DNAH12: variants seen among roughly 807,000 people sequenced by gnomAD.
DNAH12 encodes dynein axonemal heavy chain 12.
In DNAH12, 285 loss-of-function variants were observed where a neutral mutation model predicts 371.5. The ratio of observed to expected loss-of-function variants is 0.77; its 90% CI spans 0.70 to 0.85. DNAH12 has a LOEUF of 0.85. DNAH12 is among the 40% of genes least tolerant of loss of function. DNAH12 has a pLI of 0.00. For missense variants in DNAH12, 3,611 were observed against 3,689.4 expected (o/e 0.98, Z 0.55); for synonymous variants, 1,200 against 1,213.0 (o/e 0.99, Z 0.22).
intron 43 of DNAH12, among the ~76,000 whole-genome samples, chr3:57,401,933 GATTT>G (rs2063881771): frequency 6.6e-6 from 1 of 152,120 alleles, no homozygotes; most frequent in Non-Finnish European, 1.5e-5. Context: ...AGCACCGATC[GATTT>G]ATTAATATGC....
At chr3:57,479,883 A>T (rs2066674476) in intron 13 of DNAH12, among the ~76,000 whole-genome samples, 1 of 152,224 alleles carries the variant, frequency 6.6e-6, no homozygotes, top group African/African-American at 2.4e-5. Flanking sequence ...GAGAACAAAG[A>T]CACAACATAC....
At chr3:57,371,046 A>G (rs1366342475) in intron 55 of DNAH12, among the ~76,000 whole-genome samples, 7 of 152,328 alleles carry the variant, frequency 4.6e-5, no homozygotes, top group Admixed American at 2.0e-4. Flanking sequence ...CTGTGGGTCT[A>G]TATCTCATAC....
chr3:57,452,630 C>G (rs2065788425), intron 25 of DNAH12, among the ~76,000 whole-genome samples: 1 of 152,196 alleles, frequency 6.6e-6, no homozygotes, highest in Non-Finnish European at 1.5e-5. Context: ...ATCGGAGTGA[C>G]TCACAACTTT....
At chr3:57,295,688 G>A in intron 72 of DNAH12, 96 bp from the exon 73 acceptor site, 7 of 981,542 alleles carry the variant, frequency 7.1e-6, no homozygotes, top group Admixed American at 3.3e-5. Flanking sequence ...CTAAAAGAAA[G>A]GACTAGAGGC....
At chr3:57,323,339 A>G in intron 63 of DNAH12, 79 bp from the exon 64 acceptor site, 5 of 1,483,376 alleles carry the variant, frequency 3.4e-6, no homozygotes, top group Non-Finnish European at 3.6e-6. Context: ...GTGTTTTATC[A>G]TGAAAAATTC....
intron 59 of DNAH12, 30 bp downstream of exon 59, chr3:57,357,146 G>A (rs974075568): frequency 6.6e-6 from 1 of 152,032 alleles, no homozygotes; most frequent in African/African-American, 2.4e-5. Context: ...TCCAACCTCG[G>A]GAAGATGAAT....
chr3:57,408,299 A>C lies in DNAH12; in HGVS notation c.6257T>G (p.Ile2086Arg). 1.9e-6 allele frequency: 3 copies of C among 1,550,610 alleles called. No individual in the cohort carries two copies. The highest frequency in any genetic ancestry group is 2.6e-6 in the Non-Finnish European group (3 of 1,146,488). ...PPEYFVIGNQ[I>R]VNGTMEIYKQ... ...ACTGACCTCCATAGTCCCATTGACTATCTGGTTCCCAATTACAAAGTACTC... is the reference window on the plus strand; with the variant it reads ...ACTGACCTCCATAGTCCCATTGACTCTCTGGTTCCCAATTACAAAGTACTC... The change falls in exon 40 of 74, where the codon ATA becomes AGA. Residue 2086 changes from isoleucine (I) to arginine (R), a missense_variant. Around this residue, in one of 3 missense-constraint regions of DNAH12, gnomAD observed 2,266 missense variants for 2,236.9 expected, o/e 1.01. Coordinates refer to ENST00000495027, the MANE Select transcript of DNAH12 (RefSeq NM_001366028.2).
At chr3:57,455,927 T>C (rs945249822) in intron 22 of DNAH12, among the ~76,000 whole-genome samples, 3 of 152,198 alleles carry the variant, frequency 2.0e-5, no homozygotes, top group South Asian at 2.1e-4. Flanking sequence ...ATCCAAACTA[T>C]AAATTGAAAA....
At chr3:57,438,203 C>A (rs920863266) in intron 29 of DNAH12, among the ~76,000 whole-genome samples, 1 of 151,912 alleles carries the variant, frequency 6.6e-6, no homozygotes, top group Non-Finnish European at 1.5e-5. Flanking sequence ...CCCAGTTACT[C>A]GGGAGGCTGA....
chr3:57,297,856 A>G (rs2061265502), intron 70 of DNAH12, among the ~76,000 whole-genome samples: 1 of 152,218 alleles, frequency 6.6e-6, no homozygotes, highest in East Asian at 1.9e-4. Flanking sequence ...GCATCAGTGT[A>G]GCATCAGTGA....
intron 60 of DNAH12, among the ~76,000 whole-genome samples, chr3:57,350,783 T>C (rs1198095716): frequency 6.6e-6 from 1 of 151,958 alleles, no homozygotes; most frequent in Non-Finnish European, 1.5e-5. Context: ...TATAAAGAAC[T>C]CACACAAATC....
At chr3:57,484,941 A>G (rs866837252) in intron 12 of DNAH12, among the ~76,000 whole-genome samples, 12 of 152,198 alleles carry the variant, frequency 7.9e-5, no homozygotes, top group African/African-American at 2.9e-4. Flanking sequence ...AATGCTCAAC[A>G]TAACTAATCA....
intron 42 of DNAH12, 80 bp downstream of exon 42, chr3:57,404,889 C>T (rs2063977988): frequency 2.4e-6 from 3 of 1,269,976 alleles, no homozygotes; most frequent in Non-Finnish European, 3.1e-6. Flanking sequence ...TTTTTCTTTA[C>T]ACCTTTTGGT....
chr3:57,477,234 C>T (rs776543098), intron 13 of DNAH12, among the ~76,000 whole-genome samples: 2 of 152,146 alleles, frequency 1.3e-5, no homozygotes, highest in African/African-American at 4.8e-5. Context: ...CCTAATAGTG[C>T]GCTTTTCCAA....
At chr3:57,542,108 C>T (rs1318672107) in intron 2 of DNAH12, among the ~76,000 whole-genome samples, 1 of 137,358 alleles carries the variant, frequency 7.3e-6, no homozygotes, top group Non-Finnish European at 1.5e-5. Context: ...AACCTCATCA[C>T]AGCCTTTGGC....
At chr3:57,486,544 A>C (rs547128518) in intron 12 of DNAH12, among the ~76,000 whole-genome samples, 6 of 152,198 alleles carry the variant, frequency 3.9e-5, no homozygotes, top group Non-Finnish European at 7.3e-5. Context: ...ATTTGGAGAA[A>C]TATGTGGGAA....
Position 57,405,144 on chromosome 3 carries a change from T to A in DNAH12, c.6580A>T (p.Thr2194Ser), listed in dbSNP as rs782318372. 1 of 1,521,428 alleles carries A rather than the reference T, an allele frequency of 6.6e-7. No individual in the cohort carries two copies. The highest frequency in any genetic ancestry group is 1.3e-5 in the South Asian group (1 of 76,570). The allele number at this position is 1,521,428 out of a possible 1,614,324, so 94.2% of individuals were successfully genotyped here. The part of the protein sequence containing the change: ...SHLRKQNAPV[T>S]EEDLRNLMFG... ...ATGAGATTTCTTAAGTCTTCTTCAG[T>A]TACCTATAGAAAGGAAATCAACAAA... Residue 2194 changes from threonine to serine, a missense_variant, in exon 42 of 74, where the codon ACT becomes TCT. By Grantham distance (58) the Thr-to-Ser change is moderately conservative. Around this residue, in one of 3 missense-constraint regions of DNAH12, gnomAD observed 2,266 missense variants for 2,236.9 expected, o/e 1.01. Transcript: ENST00000495027.
chr3:57,472,739 C>T, intron 13 of DNAH12, 68 bp from the exon 14 acceptor site: 1 of 1,459,806 alleles, frequency 6.9e-7, no homozygotes, highest in Non-Finnish European at 9.2e-7. Flanking sequence ...AAGAGAAGAA[C>T]CAACAACAAT....
chr3:57,469,772 C>G (rs1248977723), intron 16 of DNAH12, among the ~76,000 whole-genome samples: 2 of 152,078 alleles, frequency 1.3e-5, no homozygotes, highest in Admixed American at 1.3e-4. Context: ...GAAGTGGGAG[C>G]TAAGCCCTGG....
Sources: gnomAD v4.1 joint callset for allele counts (sites outside exome capture counted in the v4.1 genomes callset) on GRCh38, gnomAD v4.1.1 for gene constraint, gnomAD v4.1.1 regional missense constraint, MANE v1.5 for transcripts, NCBI Gene and HGNC (gene_info 2026-07-23, HGNC 2026-07-21) for gene names.